SYT9: variants seen among roughly 807,000 people sequenced by gnomAD.
SYT9 encodes synaptotagmin-9.
Under a neutral mutation model 48.4 loss-of-function variants are expected in SYT9, and 22 were observed. The ratio of observed to expected loss-of-function variants is 0.45; its 90% CI spans 0.32 to 0.65. The LOEUF (loss-of-function observed/expected upper bound fraction) is 0.65, where lower values mean the gene tolerates loss of function less well. Among genes scored for constraint, SYT9 ranks in the 30% least tolerant of loss-of-function variants. The probability of loss-of-function intolerance (pLI) is 0.03; values close to 1 mark genes in which losing one functional copy is unlikely to be tolerated. For missense variants in SYT9, 577 were observed against 622.0 expected, an observed-to-expected ratio of 0.93 and a Z score of 0.77; for synonymous variants, 265 against 245.0, an observed-to-expected ratio of 1.08 and a Z score of -0.76.
intron 3 of SYT9, among the ~76,000 whole-genome samples, chr11:7,348,277 T>C (rs1403391624): frequency 6.6e-6 from 1 of 152,164 alleles, no homozygotes; most frequent in Non-Finnish European, 1.5e-5. Context: ...TCTCTATTAA[T>C]CTGTTCCCAA....
intron 6 of SYT9, among the ~76,000 whole-genome samples, chr11:7,429,685 G>A (rs1289711002): frequency 6.6e-6 from 1 of 152,116 alleles, no homozygotes; most frequent in Non-Finnish European, 1.5e-5. Flanking sequence ...AAGCTGTCGC[G>A]AGATCAGCTC....
chr11:7,432,582 A>AAAAAAAAT (rs1847619483), intron 6 of SYT9, among the ~76,000 whole-genome samples: 1 of 3,512 alleles, frequency 2.8e-4, no homozygotes, highest in Non-Finnish European at 5.6e-4. Context: ...AAAAAAAAAA[A>AAAAAAAAT]ATATATATAC....
intron 1 of SYT9, among the ~76,000 whole-genome samples, chr11:7,258,397 C>G (rs1331227011): frequency 6.6e-6 from 1 of 152,168 alleles, no homozygotes; most frequent in Non-Finnish European, 1.5e-5. Context: ...ATCACGACTT[C>G]CTTTTCTTTC....
intron 6 of SYT9, among the ~76,000 whole-genome samples, chr11:7,447,574 T>C (rs1847957815): frequency 6.6e-6 from 1 of 152,254 alleles, no homozygotes; most frequent in Non-Finnish European, 1.5e-5. Context: ...ATCTTTGTGA[T>C]AGCTCCCACA....
At chr11:7,282,916 ACACACACACG>A (rs1481480491) in intron 1 of SYT9, among the ~76,000 whole-genome samples, 1 of 149,198 alleles carries the variant, frequency 6.7e-6, no homozygotes, top group Non-Finnish European at 1.5e-5. Flanking sequence ...TAAAACACAC[ACACACACACG>A]CACACACACA....
intron 3 of SYT9, among the ~76,000 whole-genome samples, chr11:7,320,486 C>G (rs1046757837): frequency 1.3e-5 from 2 of 152,108 alleles, no homozygotes; most frequent in African/African-American, 4.8e-5. Flanking sequence ...AGTGCAAAAC[C>G]CACATTTGGT....
chr11:7,293,806 C>G (rs1251452375), intron 1 of SYT9, among the ~76,000 whole-genome samples: 1 of 152,148 alleles, frequency 6.6e-6, no homozygotes, highest in African/African-American at 2.4e-5. Context: ...GCAAGTTGTG[C>G]CCTGTGCAAC....
At chr11:7,356,858 G>A (rs752351535) in intron 3 of SYT9, among the ~76,000 whole-genome samples, 1 of 152,106 alleles carries the variant, frequency 6.6e-6, no homozygotes, top group Non-Finnish European at 1.5e-5. Context: ...TGTGTGCCAG[G>A]CACTGCACTG....
chr11:7,412,862 G>A (rs1847164550), intron 3 of SYT9, among the ~76,000 whole-genome samples: 1 of 152,180 alleles, frequency 6.6e-6, no homozygotes, highest in Non-Finnish European at 1.5e-5. Flanking sequence ...GGTTATCAGG[G>A]GGTTGAGTTG....
chr11:7,252,631 G>A lies in SYT9; in HGVS notation c.145+300G>A, dbSNP rs2119759485. Among the ~76,000 whole-genome samples the A allele has an allele frequency of 6.6e-6, 1 of 152,350 alleles. No homozygotes were observed. Among genetic ancestry groups the A allele is most frequent in the South Asian group, 2.1e-4 (1 of 4,830 alleles). The stretch of plus-strand genomic sequence containing the variant: ...CCTGGGGGCGGCTCCCTAGCTCCGA[G>A]CTACGCTCTCCACTTCCCGGGCTAT... On this transcript the variant is annotated intron_variant, in intron 1 of 6. Coordinates refer to ENST00000318881, the MANE Select transcript of SYT9 (RefSeq NM_175733.4). This position sits in a 1 kb window ranked among gnomAD's most constrained non-coding sequence, Gnocchi z 6.3.
rs143397175 is a variant in SYT9 at position 7,312,481 on chromosome 11, A to G, written c.498-914A>G. Among the ~76,000 whole-genome samples, 519 of 152,350 alleles carry G rather than the reference A, an allele frequency of 3.4e-3. 5 individuals carry two copies. The highest frequency in any genetic ancestry group is 0.012 in the African/African-American group (510 of 41,588). On this transcript the variant is annotated intron_variant, in intron 2 of 6. Coordinates refer to ENST00000318881, the MANE Select transcript of SYT9 (RefSeq NM_175733.4). ...AGCTAAAAACAACAAAAGTAACCTT[A>G]AAAACAACCTTGTATGTGATAACTA...
chr11:7,461,438 T>C (rs929094526), intron 6 of SYT9: 5 of 152,332 alleles, frequency 3.3e-5, no homozygotes, highest in African/African-American at 1.2e-4. Flanking sequence ...AGTGGCATGA[T>C]CTCGGCTCAC....
intron 3 of SYT9, among the ~76,000 whole-genome samples, chr11:7,378,920 C>A (rs1008571196): frequency 6.6e-6 from 1 of 152,126 alleles, no homozygotes; most frequent in African/African-American, 2.4e-5. Context: ...GTGTTCTTTT[C>A]TTCAAAAGCC....
intron 6 of SYT9, among the ~76,000 whole-genome samples, chr11:7,461,068 T>C (rs938319369): frequency 6.6e-6 from 1 of 152,122 alleles, no homozygotes; most frequent in Non-Finnish European, 1.5e-5. Context: ...CTTGCTGTAC[T>C]GTCAGTGGGA....
chr11:7,435,987 G>GA (rs11385889), intron 6 of SYT9: 19,149 of 144,882 alleles, frequency 0.13, 1,380 homozygotes, highest in East Asian at 0.25. Context: ...TCTAGAAAAA[G>GA]AAAAAAAAAA....
chr11:7,359,165 A>G (rs1275110543), intron 3 of SYT9, among the ~76,000 whole-genome samples: 1 of 133,634 alleles, frequency 7.5e-6, no homozygotes. Flanking sequence ...CCATGTCCCT[A>G]CAAAGGACAT....
At chr11:7,421,725 G>A (rs916807811) in intron 6 of SYT9, among the ~76,000 whole-genome samples, 1 of 152,128 alleles carries the variant, frequency 6.6e-6, no homozygotes, top group Admixed American at 6.5e-5. Flanking sequence ...ATGTCTGAGG[G>A]TCCAATGCTA....
At chr11:7,369,794 A>AACACACACACACACACAC (rs58554896) in intron 3 of SYT9, among the ~76,000 whole-genome samples, 9 of 143,984 alleles carry the variant, frequency 6.3e-5, no homozygotes, top group African/African-American at 2.3e-4. Flanking sequence ...CACACACACA[A>AACACACACACACACACAC]ACACACACAC....
chr11:7,344,757 A>G (rs1464795636), intron 3 of SYT9, among the ~76,000 whole-genome samples: 1 of 152,188 alleles, frequency 6.6e-6, no homozygotes, highest in Non-Finnish European at 1.5e-5. Flanking sequence ...ATTCTTTTCC[A>G]TCGCTCTATT....
Sources: allele counts gnomAD v4.1 joint callset (sites outside exome capture counted in the v4.1 genomes callset), GRCh38; gene constraint gnomAD v4.1.1; non-coding constraint Gnocchi (gnomAD v3.1); transcripts MANE v1.5; gene names NCBI Gene and HGNC (gene_info 2026-07-23, HGNC 2026-07-21).